The following PRRC2C variants were observed in gnomAD, a reference collection of about 807,000 sequenced individuals.
PRRC2C encodes protein PRRC2C.
Under a neutral mutation model 317.2 loss-of-function variants are expected in PRRC2C, and 72 were observed. The observed-to-expected ratio is 0.23, with a 90% CI of 0.19 to 0.28. The LOEUF (loss-of-function observed/expected upper bound fraction) is 0.28, where lower values mean the gene tolerates loss of function less well. Ranked by LOEUF, PRRC2C falls within the 10% of genes least tolerant of loss-of-function variation. PRRC2C has a pLI of 1.00. For synonymous variants in PRRC2C, 1,296 were observed against 1,205.9 expected (o/e 1.07, Z -1.55); for missense variants, 3,074 against 3,459.7 (o/e 0.89, Z 2.80).
intron 1 of PRRC2C, among the ~76,000 whole-genome samples, chr1:171,493,830 G>C (rs1667615391): frequency 6.6e-6 from 1 of 152,126 alleles, no homozygotes; most frequent in Non-Finnish European, 1.5e-5. Context: ...AATTATCTAT[G>C]CTTGGGTTTT....
chr1:171,515,606 A>G (rs1011812598), intron 4 of PRRC2C, 128 bp from the exon 5 acceptor site: 12 of 780,132 alleles, frequency 1.5e-5, no homozygotes, highest in African/African-American at 1.4e-4. Flanking sequence ...TGATATGGCT[A>G]TGAACAGTCA....
chr1:171,532,201 T>C (rs1339215197), intron 11 of PRRC2C, 142 bp from the exon 12 acceptor site: 33 of 841,676 alleles, frequency 3.9e-5, no homozygotes, highest in Non-Finnish European at 5.4e-6. Context: ...ATATTTCCCA[T>C]CTTATGTGTT....
intron 28 of PRRC2C, among the ~76,000 whole-genome samples, chr1:171,580,500 A>G (rs1024454784): frequency 2.6e-5 from 4 of 152,198 alleles, no homozygotes; most frequent in Admixed American, 6.5e-5. Flanking sequence ...AAATAATGAA[A>G]ACTGATTTTT....
intron 20 of PRRC2C, among the ~76,000 whole-genome samples, chr1:171,561,687 T>A (rs1682745226): frequency 6.6e-6 from 1 of 152,226 alleles, no homozygotes; most frequent in South Asian, 2.1e-4. Context: ...AAGATCTTAA[T>A]GAAACAGAAA....
intron 1 of PRRC2C, among the ~76,000 whole-genome samples, chr1:171,508,688 C>T (rs563507301): frequency 1.4e-4 from 22 of 152,174 alleles, no homozygotes; most frequent in Admixed American, 3.9e-4. Flanking sequence ...CTGAACTTGA[C>T]ATTTTATTTT....
At chr1:171,499,271 G>GTA (rs1344591600) in intron 1 of PRRC2C, among the ~76,000 whole-genome samples, 1 of 152,210 alleles carries the variant, frequency 6.6e-6, no homozygotes, top group East Asian at 1.9e-4. Flanking sequence ...GCAGTGCCTG[G>GTA]TATATGGTAG....
intron 7 of PRRC2C, among the ~76,000 whole-genome samples, chr1:171,523,009 A>G (rs1673891643): frequency 6.6e-6 from 1 of 152,056 alleles, no homozygotes; most frequent in Non-Finnish European, 1.5e-5. Context: ...AGAATTCTTA[A>G]AAACTTTGTC....
At chr1:171,553,841 T>G (rs1378949009) in intron 18 of PRRC2C, among the ~76,000 whole-genome samples, 1 of 152,204 alleles carries the variant, frequency 6.6e-6, no homozygotes, top group Non-Finnish European at 1.5e-5. Flanking sequence ...GACAGTTTGT[T>G]GTGATTTCTG....
At chr1:171,520,960 C>T (rs1052288278) in intron 6 of PRRC2C, among the ~76,000 whole-genome samples, 7 of 152,108 alleles carry the variant, frequency 4.6e-5, no homozygotes, top group Admixed American at 1.3e-4. Context: ...ACGCCCACCA[C>T]ACCTAGCTAA....
chr1:171,514,400 GA>G (rs1671949131), intron 3 of PRRC2C, 135 bp from the exon 4 acceptor site: 1 of 675,768 alleles, frequency 1.5e-6, no homozygotes, highest in Non-Finnish European at 2.5e-6. Context: ...GTTGCAGAGA[GA>G]AAACATTTAT....
intron 10 of PRRC2C, 65 bp from the exon 11 acceptor site, chr1:171,527,726 A>T (rs895172284): frequency 4.3e-6 from 6 of 1,388,400 alleles, no homozygotes; most frequent in African/African-American, 1.4e-5. Flanking sequence ...ACTGCACTCC[A>T]GCATGGGCAA....
At chr1:171,498,333 G>A (rs773458068) in intron 1 of PRRC2C, among the ~76,000 whole-genome samples, 1 of 152,026 alleles carries the variant, frequency 6.6e-6, no homozygotes, top group African/African-American at 2.4e-5. Flanking sequence ...TCAAGTTATC[G>A]ACAGGCAGGA....
intron 23 of PRRC2C, among the ~76,000 whole-genome samples, chr1:171,570,625 A>G (rs1481307066): frequency 1.3e-5 from 2 of 152,234 alleles, no homozygotes; most frequent in African/African-American, 4.8e-5. Context: ...ATCCAGAGAT[A>G]AAGGCAGTGA....
At position 171,540,409 on chromosome 1, in the gene PRRC2C, A is replaced by G. The variant is rs1428365513; in HGVS notation, c.2943A>G (p.Pro981=). ...KEGFIRSSEG[P]KPEKVYKSKS... is the part of the protein sequence containing the mutation. ...GCTTTATACGATCTTCTGAAGGACC[A>G]AAACCTGAAAAAGTATATAAATCTA... is the stretch of plus-strand genomic sequence containing the variant. The change falls in exon 16 of 35, where the codon CCA becomes CCG. Residue 981 remains proline (P), a synonymous_variant. Coordinates refer to ENST00000647382, the MANE Select transcript of PRRC2C (RefSeq NM_001387844.1). The G allele has an allele frequency of 1.2e-6, 2 of 1,613,134 alleles. No homozygotes were observed. The highest frequency in any genetic ancestry group is 1.7e-5 in the Admixed American group (1 of 59,882).
Position 171,537,442 on chromosome 1 carries a change from C to A in PRRC2C, c.2473C>A (p.Pro825Thr). 6.3e-7 allele frequency: 1 copy of A among 1,580,638 alleles called. No homozygotes were observed. Among genetic ancestry groups the A allele is most frequent in the Non-Finnish European group, 8.6e-7 (1 of 1,162,202 alleles). The change falls in exon 15 of 35, where the codon CCC becomes ACC. Residue 825 changes from proline (P) to threonine (T), a missense_variant. Physicochemically the swap from Pro to Thr is conservative, Grantham distance 38. Coordinates refer to ENST00000647382, the MANE Select transcript of PRRC2C (RefSeq NM_001387844.1). ...PHAEPQQATT[P>T]KATEEPEDVR... ...TGCTGAGCCTCAACAAGCAACTACT[C>A]CCAAAGCAACAGAAGAGCCTGAGGA... is the stretch of plus-strand genomic sequence containing the variant.
At chr1:171,553,364 T>G (rs1381890685) in intron 18 of PRRC2C, among the ~76,000 whole-genome samples, 3 of 152,188 alleles carry the variant, frequency 2.0e-5, no homozygotes, top group African/African-American at 7.2e-5. Context: ...TCTTCTTTAT[T>G]AGTCTTGCTA....
intron 1 of PRRC2C, among the ~76,000 whole-genome samples, chr1:171,498,916 C>T (rs1668593389): frequency 6.6e-6 from 1 of 152,208 alleles, no homozygotes; most frequent in South Asian, 2.1e-4. Context: ...GCCCTTCCAC[C>T]TCAGCCTCCT....
intron 2 of PRRC2C, 68 bp from the exon 3 acceptor site, chr1:171,512,927 T>C (rs2102255997): frequency 7.3e-7 from 1 of 1,374,076 alleles, no homozygotes; most frequent in African/African-American, 1.5e-5. Flanking sequence ...TGTTTTTCTA[T>C]ATTGTTTGAG....
intron 31 of PRRC2C, 65 bp from the exon 32 acceptor site, chr1:171,587,583 T>C (rs911067184): frequency 4.1e-5 from 48 of 1,158,424 alleles, no homozygotes; most frequent in Admixed American, 7.9e-5. Flanking sequence ...GTATAGGACA[T>C]GTAAACACAG....
Sources: gnomAD v4.1 joint callset for allele counts (sites outside exome capture counted in the v4.1 genomes callset) on GRCh38, gnomAD v4.1.1 for gene constraint, MANE v1.5 for transcripts, NCBI Gene and HGNC (gene_info 2026-07-23, HGNC 2026-07-21) for gene names.